Variants in ZC3H14 observed in about 807,000 individuals in gnomAD.
ZC3H14 encodes the protein zinc finger CCCH-type containing 14.
A neutral mutation model predicts 92.4 loss-of-function variants in ZC3H14; 31 were observed. That is an observed-to-expected ratio of 0.34 (90% confidence interval 0.25 to 0.45). The LOEUF (loss-of-function observed/expected upper bound fraction) is 0.45. Ranked by LOEUF, ZC3H14 falls within the 20% of genes least tolerant of loss-of-function variation. The probability of loss-of-function intolerance (pLI) is 1.00; values close to 1 mark genes in which losing one functional copy is unlikely to be tolerated. For missense variants in ZC3H14, 781 were observed against 897.3 expected (o/e 0.87, Z 1.66); for synonymous variants, 321 against 300.9 (o/e 1.07, Z -0.69).
chr14:88,609,696 G>A lies in ZC3H14; in HGVS notation c.2006-16G>A, dbSNP rs2086224831. On this transcript the variant is annotated splice_polypyrimidine_tract_variant and intron_variant, in intron 14 of 16. Coordinates refer to ENST00000251038, the MANE Select transcript of ZC3H14 (RefSeq NM_024824.5). ...CCAAACAGATTGGAGATCAGTCCTG[G>A]TTTTTATTTTGTTAGCAGTTGCACC... 1 of 1,613,822 alleles carries A rather than the reference G, an allele frequency of 6.2e-7. No individual in the cohort carries two copies. Among genetic ancestry groups the A allele is most frequent in the South Asian group, 1.1e-5 (1 of 91,082 alleles).
In ZC3H14 at chr14:88,615,996, A is replaced by G. The variant is rs1328579502; in HGVS notation, c.*4245A>G. 14 of 1,271,142 alleles carry G rather than the reference A, an allele frequency of 1.1e-5. No individual in the cohort carries two copies. In the African/African-American group the frequency reaches 1.9e-4, roughly 18 times the overall value. 78.7% of individuals were successfully genotyped at this position (1,271,142 alleles called of 1,614,324 possible). ...CCTTTTATTCTGTATTTGCATAAAT[A>G]TGAGATTCTGAAGAGCCATCTGGTT... On this transcript the variant is annotated 3_prime_UTR_variant, in exon 17 of 17. Coordinates refer to ENST00000251038, the MANE Select transcript of ZC3H14 (RefSeq NM_024824.5).
intron 13 of ZC3H14, among the ~76,000 whole-genome samples, chr14:88,607,902 GTATCATCCCCCACCTCACCC>G (rs2085792611): frequency 4.6e-5 from 4 of 86,074 alleles, no homozygotes; most frequent in Admixed American, 1.8e-4. Flanking sequence ...CACCCTGCAA[GTATCATCCCCCACCTCACCC>G]TGCAAGTACC....
At position 88,616,603 on chromosome 14, in the gene ZC3H14, A is replaced by C; in HGVS notation, c.*4852A>C. The C allele has an allele frequency of 1.0e-6, 1 of 986,176 alleles. No homozygotes were observed. The highest frequency in any genetic ancestry group is 2.6e-5 in the East Asian group (1 of 37,980). 61.1% of individuals were successfully genotyped at this position (986,176 alleles called of 1,614,324 possible). ...CTTTTATTTCAAAGTAAATAGATTTAGAAAGTTTGGGGAAAAATTTAGAAA... is the reference window on the plus strand; with the variant it reads ...CTTTTATTTCAAAGTAAATAGATTTCGAAAGTTTGGGGAAAAATTTAGAAA... On this transcript the variant is annotated 3_prime_UTR_variant, in exon 17 of 17. Coordinates refer to ENST00000251038, the MANE Select transcript of ZC3H14 (RefSeq NM_024824.5).
rs1309713381 is a variant in ZC3H14 at position 88,610,880 on chromosome 14, A to G, written c.2144A>G (p.Tyr715Cys). 1.9e-6 allele frequency: 3 copies of G among 1,614,124 alleles called. No homozygotes were observed. Among genetic ancestry groups the G allele is most frequent in the East Asian group, 2.2e-5 (1 of 44,874 alleles). Reference sequence around the variant, plus strand: ...TGTACAAGACCGGACTGCACATTCTACCATCCCACCATTAATGTCCCACCA... The same window carrying G: ...TGTACAAGACCGGACTGCACATTCTGCCATCCCACCATTAATGTCCCACCA... ...TQCTRPDCTF[Y>C]HPTINVPPRH... Residue 715 changes from tyrosine to cysteine, a missense_variant, in exon 16 of 17, where the codon TAC becomes TGC. Physicochemically the swap from Tyr to Cys is radical, Grantham distance 194. Coordinates refer to ENST00000251038, the MANE Select transcript of ZC3H14 (RefSeq NM_024824.5).
At chr14:88,586,039 A>T (rs1419577799) in intron 9 of ZC3H14, among the ~76,000 whole-genome samples, 1 of 152,180 alleles carries the variant, frequency 6.6e-6, no homozygotes, top group African/African-American at 2.4e-5. Flanking sequence ...ATGGTGGCAC[A>T]CACCTGTAGT....
chr14:88,564,598 C>T lies in ZC3H14; in HGVS notation c.79+905C>T, dbSNP rs146497074. Among the ~76,000 whole-genome samples the T allele has an allele frequency of 3.4e-3, 522 of 152,310 alleles. 4 individuals are homozygous for T. The highest frequency in any genetic ancestry group is 0.027 in the South Asian group (128 of 4,822). Reference sequence around the variant, plus strand: ...CTAAGATGGTATTTGTTATTTTTCACTGTGGTGGTGGTGTTTGGATTGTGT... The same window carrying T: ...CTAAGATGGTATTTGTTATTTTTCATTGTGGTGGTGGTGTTTGGATTGTGT... On this transcript the variant is annotated intron_variant, in intron 2 of 16. Coordinates refer to ENST00000251038, the MANE Select transcript of ZC3H14 (RefSeq NM_024824.5).
At position 88,615,073 on chromosome 14, in the gene ZC3H14, T is replaced by C. The variant is rs577994227; in HGVS notation, c.*3322T>C. ...TGGGAATGATTGTTCATCATACTAC[T>C]TTTCCATTAGTGAGGCTACAGTTAT... On this transcript the variant is annotated 3_prime_UTR_variant, in exon 17 of 17. Transcript: ENST00000251038. The C allele has an allele frequency of 6.6e-6, 1 of 152,324 alleles. No individual in the cohort carries two copies. Among genetic ancestry groups the C allele is most frequent in the East Asian group, 1.9e-4 (1 of 5,186 alleles). 9.4% of individuals were successfully genotyped at this position (152,324 alleles called of 1,614,324 possible).
chr14:88,609,334 A>C lies in ZC3H14; in HGVS notation c.1936A>C (p.Lys646Gln). Residue 646 changes from lysine (K) to glutamine (Q), a missense_variant, in exon 14 of 17, where the codon AAG (lysine) becomes CAG (glutamine). Lys to Gln is a moderately conservative substitution (Grantham distance 53). Around this residue, in one of 3 missense-constraint regions of ZC3H14, gnomAD observed 221 missense variants for 304.7 expected, o/e 0.73. Coordinates refer to ENST00000251038, the MANE Select transcript of ZC3H14 (RefSeq NM_024824.5). ...FVHPNCKYDA[K>Q]CTKPDCPFTH... is the part of the protein sequence containing the mutation. Reference sequence around the variant, plus strand: ...TCACCCAAATTGTAAATATGATGCAAAGTGTACTAAACCAGATTGTCCCTT... The same window carrying C: ...TCACCCAAATTGTAAATATGATGCACAGTGTACTAAACCAGATTGTCCCTT... The C allele has an allele frequency of 6.2e-7, 1 of 1,614,098 alleles. No homozygotes were observed. The highest frequency in any genetic ancestry group is 8.5e-7 in the Non-Finnish European group (1 of 1,179,988).
In ZC3H14 at chr14:88,617,360, T is replaced by G. The variant is rs1181330814; in HGVS notation, c.*5609T>G. ...CAGGGTTTCTCCATGTTGGTCAGGC[T>G]AGTCTCGAACTCCCGACCTCAGGTG... On this transcript the variant is annotated 3_prime_UTR_variant, in exon 17 of 17. Coordinates refer to ENST00000251038, the MANE Select transcript of ZC3H14 (RefSeq NM_024824.5). 2 of 153,416 alleles carry G rather than the reference T, an allele frequency of 1.3e-5. No individual in the cohort carries two copies. The highest frequency in any genetic ancestry group is 4.8e-5 in the African/African-American group (2 of 41,440). 9.5% of individuals were successfully genotyped at this position (153,416 alleles called of 1,614,324 possible). A position where few individuals can be genotyped will look rare whatever the true frequency, so the allele number is the denominator to read the frequency against.
chr14:88,602,214 C>G, intron 11 of ZC3H14, 131 bp downstream of exon 11: 1 of 1,236,848 alleles, frequency 8.1e-7, no homozygotes, highest in Non-Finnish European at 1.1e-6. Flanking sequence ...CAGTAGCTAG[C>G]CCATGAATAG....
At chr14:88,607,843 GCCTGCAAGTACCATCCCCTATCTCAC>G (rs796357167) in intron 13 of ZC3H14, among the ~76,000 whole-genome samples, 45 of 24,848 alleles carry the variant, frequency 1.8e-3, no homozygotes, top group South Asian at 4.4e-3. Context: ...CCCCACCTCA[GCCTGCAAGTACCATCCCCTATCTCAC>G]CCTGCAAGTA....
intron 9 of ZC3H14, chr14:88,591,787 A>C (rs1029624391): frequency 1.3e-5 from 2 of 152,220 alleles, no homozygotes; most frequent in African/African-American, 4.8e-5. Context: ...ACACATGTAC[A>C]TATAAAGCAG....
Position 88,627,577 on chromosome 14 carries a change from T to G in ZC3H14, c.*15826T>G. On this transcript the variant is annotated 3_prime_UTR_variant, in exon 17 of 17. Coordinates refer to ENST00000251038, the MANE Select transcript of ZC3H14 (RefSeq NM_024824.5). ...CAACCACCAACTTTAAGACAAATAT[T>G]AAATACAGAATTCCTACTACCTTTG... 3 of 1,458,702 alleles carry G rather than the reference T, an allele frequency of 2.1e-6. No individual in the cohort carries two copies. The highest frequency in any genetic ancestry group is 2.8e-6 in the Non-Finnish European group (3 of 1,087,566). 90.4% of individuals were successfully genotyped at this position (1,458,702 alleles called of 1,614,324 possible).
rs116813740 is a variant in ZC3H14, at chr14:88,606,197, A to G, written c.1748-1046A>G. ...TATTTAATAAATTGCCAGCATTACA[A>G]TTTCGATGAAGGCAGATTTTTGGCT... On this transcript the variant is annotated intron_variant, in intron 12 of 16. Transcript: ENST00000251038. 8.8e-3 allele frequency among the ~76,000 whole-genome samples: 1,333 copies of G among 152,314 alleles called. 7 individuals are homozygous for G. Among genetic ancestry groups the G allele is most frequent in the African/African-American group, 0.031 (1,268 of 41,560 alleles).
chr14:88,596,133 T>G (rs544928520), intron 9 of ZC3H14, among the ~76,000 whole-genome samples: 1 of 152,210 alleles, frequency 6.6e-6, no homozygotes, highest in African/African-American at 2.4e-5. Context: ...AATAAGTAGT[T>G]GAACATCTTT....
intron 8 of ZC3H14, 65 bp downstream of exon 8, chr14:88,576,005 AT>A (rs2081111204): frequency 7.4e-7 from 1 of 1,348,332 alleles, no homozygotes; most frequent in South Asian, 1.2e-5. Context: ...TAAGGTGAAA[AT>A]GATTGCTCCT....
intron 3 of ZC3H14, among the ~76,000 whole-genome samples, chr14:88,568,570 GA>G (rs2079993474): frequency 6.6e-6 from 1 of 152,094 alleles, no homozygotes; most frequent in Non-Finnish European, 1.5e-5. Context: ...CATCATGGGG[GA>G]AACCACCCCC....
Sources: gnomAD v4.1 joint callset for allele counts (sites outside exome capture counted in the v4.1 genomes callset) on GRCh38, gnomAD v4.1.1 for gene constraint, gnomAD v4.1.1 regional missense constraint, MANE v1.5 for transcripts, NCBI Gene and HGNC (gene_info 2026-07-23, HGNC 2026-07-21) for gene names.